Variants in PALM2AKAP2 observed in about 807,000 individuals in gnomAD.
PALM2AKAP2 encodes the protein PALM2-AKAP2 fusion protein.
In PALM2AKAP2, 37 loss-of-function variants were observed where a neutral mutation model predicts 71.5. The ratio of observed to expected loss-of-function variants is 0.52; its 90% confidence interval spans 0.40 to 0.68. The LOEUF (loss-of-function observed/expected upper bound fraction) is 0.68. Among genes scored for constraint, PALM2AKAP2 ranks in the 30% least tolerant of loss-of-function variants. The pLI is 0.00. For missense variants in PALM2AKAP2, 1,224 were observed against 1,191.8 expected, an observed-to-expected ratio of 1.03 and a Z score of -0.40; for synonymous variants, 468 against 478.8, an observed-to-expected ratio of 0.98 and a Z score of 0.29.
chr9:109,676,631 G>A (rs1827652772), intron 1 of PALM2AKAP2, among the ~76,000 whole-genome samples: 1 of 152,134 alleles, frequency 6.6e-6, no homozygotes, highest in Non-Finnish European at 1.5e-5. Flanking sequence ...CATGGATATA[G>A]ATGAGAAAAG....
chr9:109,955,942 A>C lies in PALM2AKAP2; in HGVS notation c.496+23914A>C, dbSNP rs147726820. Among the ~76,000 whole-genome samples, 302 of 152,194 alleles carry C rather than the reference A, an allele frequency of 2.0e-3. 3 individuals carry two copies. Among genetic ancestry groups the C allele is most frequent in the African/African-American group, 6.9e-3 (285 of 41,536 alleles). ...CACAGCAAGACTCCTCTGTCTTAAA[A>C]AAAACAAAACAAAACAAAACAAAAA... On this transcript the variant is annotated intron_variant, in intron 6 of 9. Coordinates refer to the PALM2AKAP2 transcript ENST00000302798.
intron 1 of PALM2AKAP2, among the ~76,000 whole-genome samples, chr9:109,717,338 G>C (rs1330118761): frequency 6.6e-6 from 1 of 152,164 alleles, no homozygotes; most frequent in African/African-American, 2.4e-5. Flanking sequence ...GGTCAGGCTG[G>C]CTCAGAGTTT....
intron 1 of PALM2AKAP2, among the ~76,000 whole-genome samples, chr9:110,099,342 C>T (rs1834934922): frequency 6.6e-6 from 1 of 152,206 alleles, no homozygotes; most frequent in Admixed American, 6.5e-5. Flanking sequence ...TTTCTTCCTT[C>T]TACTGACATC....
chr9:109,797,828 G>A (rs78263424), intron 1 of PALM2AKAP2, among the ~76,000 whole-genome samples: 100 of 152,352 alleles, frequency 6.6e-4, no homozygotes, highest in African/African-American at 2.4e-3. Context: ...TAGTATCTGT[G>A]GCTTTCACCA....
intron 1 of PALM2AKAP2, among the ~76,000 whole-genome samples, chr9:110,116,127 G>A (rs1412579371): frequency 6.6e-6 from 1 of 152,172 alleles, no homozygotes; most frequent in East Asian, 1.9e-4. Flanking sequence ...TAGGAATTGA[G>A]TAACAGAAGG....
At chr9:109,855,000 C>A (rs1829123578) in intron 1 of PALM2AKAP2, among the ~76,000 whole-genome samples, 4 of 151,934 alleles carry the variant, frequency 2.6e-5, no homozygotes. Context: ...CATCTCCAGA[C>A]CTTGTGATCT....
At chr9:109,947,925 A>G (rs1369308161) in intron 6 of PALM2AKAP2, among the ~76,000 whole-genome samples, 5 of 152,236 alleles carry the variant, frequency 3.3e-5, no homozygotes, top group Non-Finnish European at 5.9e-5. Flanking sequence ...TAATCAAGGT[A>G]TATTGAACTC....
chr9:109,835,790 G>A (rs1039020760), intron 1 of PALM2AKAP2, among the ~76,000 whole-genome samples: 1 of 152,202 alleles, frequency 6.6e-6, no homozygotes, highest in Non-Finnish European at 1.5e-5. Context: ...TGCTAGCACA[G>A]CAGTCTGAGA....
chr9:110,110,101 TCTC>T (rs1402816326), intron 1 of PALM2AKAP2, among the ~76,000 whole-genome samples: 2 of 152,206 alleles, frequency 1.3e-5, no homozygotes, highest in African/African-American at 4.8e-5. Context: ...TTTTAAGTGT[TCTC>T]CTCACACATA....
chr9:110,128,576 G>A (rs1232969519), intron 1 of PALM2AKAP2, among the ~76,000 whole-genome samples: 1 of 152,236 alleles, frequency 6.6e-6, no homozygotes, highest in Non-Finnish European at 1.5e-5. Context: ...GGCTTTAGTA[G>A]GAAGTAATCT....
intron 1 of PALM2AKAP2, among the ~76,000 whole-genome samples, chr9:109,740,941 T>G (rs567559563): frequency 1.8e-4 from 27 of 152,326 alleles, no homozygotes; most frequent in African/African-American, 3.8e-4. Flanking sequence ...TGTGAGCCAC[T>G]GCACCCGGTC....
intron 1 of PALM2AKAP2, among the ~76,000 whole-genome samples, chr9:110,120,483 C>T (rs1835459276): frequency 6.6e-6 from 1 of 152,214 alleles, no homozygotes; most frequent in African/African-American, 2.4e-5. Context: ...ATTAGGGCTT[C>T]AGACCCTCTT....
At chr9:109,890,089 T>C (rs1830052439) in intron 3 of PALM2AKAP2, among the ~76,000 whole-genome samples, 1 of 152,210 alleles carries the variant, frequency 6.6e-6, no homozygotes, top group Admixed American at 6.5e-5. Flanking sequence ...CGTTCTACAT[T>C]CTTGATGAAA....
rs542801530 is a variant in PALM2AKAP2 at position 110,082,207 on chromosome 9, C to T, written c.156+33352C>T. Among the ~76,000 whole-genome samples the T allele has an allele frequency of 9.9e-5, 15 of 152,204 alleles. No homozygotes were observed. In the South Asian group the frequency reaches 2.1e-3, roughly 21 times the overall value. The stretch of plus-strand genomic sequence containing the variant: ...GATTTAAGCAGATTACAGTAGTGTG[C>T]CACCACACCCGACTAATTTTGTATT... On this transcript the variant is annotated intron_variant, in intron 1 of 3. Coordinates refer to ENST00000374525, the Ensembl canonical transcript of PALM2AKAP2.
intron 7 of PALM2AKAP2, among the ~76,000 whole-genome samples, chr9:110,028,027 A>T (rs1050186959): frequency 1.3e-5 from 2 of 152,216 alleles, no homozygotes; most frequent in African/African-American, 2.4e-5. Context: ...AAGATTTTTT[A>T]AAAATCCTTG....
intron 1 of PALM2AKAP2, among the ~76,000 whole-genome samples, chr9:110,088,246 A>G (rs1297682501): frequency 1.2e-5 from 1 of 81,594 alleles, no homozygotes; most frequent in East Asian, 2.0e-4. Flanking sequence ...TGCCCTATGT[A>G]ATGAAGTAGT....
At chr9:109,928,776 A>T (rs1831016636) in intron 5 of PALM2AKAP2, among the ~76,000 whole-genome samples, 1 of 151,154 alleles carries the variant, frequency 6.6e-6, no homozygotes, top group Non-Finnish European at 1.5e-5. Context: ...GGTTCAAGCG[A>T]TTCTCCTGTC....
At chr9:110,058,756 A>G (rs1469939568) in intron 1 of PALM2AKAP2, among the ~76,000 whole-genome samples, 3 of 152,010 alleles carry the variant, frequency 2.0e-5, no homozygotes, top group Non-Finnish European at 4.4e-5. Context: ...GGCCCAGAAC[A>G]TCTGAAAAGA....
chr9:109,936,396 A>C (rs1005390468), intron 6 of PALM2AKAP2, among the ~76,000 whole-genome samples: 1 of 152,146 alleles, frequency 6.6e-6, no homozygotes, highest in Non-Finnish European at 1.5e-5. Context: ...TTCTGAATTA[A>C]TTTCCTCATT....
Sources: gnomAD v4.1 joint callset for allele counts (sites outside exome capture counted in the v4.1 genomes callset) on GRCh38, gnomAD v4.1.1 for gene constraint, MANE v1.5 for transcripts, NCBI Gene and HGNC (gene_info 2026-07-23, HGNC 2026-07-21) for gene names.